The following RASGRP3 variants were observed in gnomAD, a reference collection of about 807,000 sequenced individuals.
The protein encoded by RASGRP3 is RAS guanyl releasing protein 3.
In RASGRP3, 54 loss-of-function variants were observed where a neutral mutation model predicts 82.7. The ratio of observed to expected loss-of-function variants is 0.65; its 90% CI spans 0.52 to 0.82. The LOEUF (loss-of-function observed/expected upper bound fraction) is 0.82. RASGRP3 is among the 40% of genes least tolerant of loss of function. The probability of loss-of-function intolerance (pLI) is 0.00; values close to 1 mark genes in which losing one functional copy is unlikely to be tolerated. For missense variants in RASGRP3, 861 were observed against 828.9 expected (o/e 1.04, Z -0.48); for synonymous variants, 309 against 300.5 (o/e 1.03, Z -0.29).
rs776842532 is a variant in RASGRP3 at position 33,546,422 on chromosome 2, C to CAA, written c.1394+2810_1394+2811dup. ...TGGACGACAGAGCAAGACTCCGTCT[C>CAA]AAAAAAAAAAAAAAAAGAAAGTCAA... On this transcript the variant is annotated intron_variant, in intron 13 of 17. Coordinates refer to ENST00000403687, the MANE Select transcript of RASGRP3 (RefSeq NM_001139488.2). Among the ~76,000 whole-genome samples the CAA allele has an allele frequency of 3.1e-3, 243 of 79,520 alleles. 1 individual carries two copies. The highest frequency in any genetic ancestry group is 9.8e-3 in the African/African-American group (226 of 22,962). 52.2% of individuals were successfully genotyped at this position (79,520 alleles called of 152,430 possible). A position where few individuals can be genotyped will look rare whatever the true frequency, so the allele number is the denominator to read the frequency against.
At chr2:33,468,101 A>C (rs902343019) in intron 2 of RASGRP3, among the ~76,000 whole-genome samples, 4 of 147,170 alleles carry the variant, frequency 2.7e-5, no homozygotes, top group African/African-American at 7.5e-5. Context: ...GAAGTACTTA[A>C]GTGTCTTTGT....
chr2:33,509,187 C>A (rs528107500), intron 1 of RASGRP3, among the ~76,000 whole-genome samples: 1 of 151,900 alleles, frequency 6.6e-6, no homozygotes, highest in Admixed American at 6.6e-5. Flanking sequence ...GATCACTTGA[C>A]GTCAGGAGTT....
chr2:33,532,834 T>C (rs1377358159), intron 10 of RASGRP3: 1 of 152,204 alleles, frequency 6.6e-6, no homozygotes, highest in African/African-American at 2.4e-5. Flanking sequence ...GAACAGTGAC[T>C]AGAACAATCC....
intron 1 of RASGRP3, among the ~76,000 whole-genome samples, chr2:33,492,242 T>C (rs1668913783): frequency 6.6e-6 from 1 of 152,218 alleles, no homozygotes; most frequent in Non-Finnish European, 1.5e-5. Context: ...TTTCCCTTTG[T>C]CTTCTTCAGA....
At chr2:33,510,424 C>T (rs1375705176) in intron 1 of RASGRP3, among the ~76,000 whole-genome samples, 4 of 152,216 alleles carry the variant, frequency 2.6e-5, no homozygotes, top group African/African-American at 4.8e-5. Flanking sequence ...ACATCTCTGA[C>T]AGTCATGACC....
intron 4 of RASGRP3, 95 bp downstream of exon 4, chr2:33,516,739 A>G: frequency 1.2e-6 from 1 of 844,336 alleles, no homozygotes; most frequent in Non-Finnish European, 1.9e-6. Flanking sequence ...TAAGATGAAT[A>G]AATAGTCTTT....
chr2:33,443,168 A>T (rs1558390122), intron 1 of RASGRP3, among the ~76,000 whole-genome samples: 1 of 152,202 alleles, frequency 6.6e-6, no homozygotes, highest in Non-Finnish European at 1.5e-5. Context: ...ATAAATAGCA[A>T]ATTCATGTTT....
intron 2 of RASGRP3, among the ~76,000 whole-genome samples, chr2:33,512,171 T>C (rs1049197778): frequency 2.0e-5 from 3 of 152,180 alleles, no homozygotes; most frequent in Non-Finnish European, 4.4e-5. Flanking sequence ...TGTAACCTGA[T>C]AGCCCGGCCC....
chr2:33,527,232 C>G lies in RASGRP3; in HGVS notation c.903C>G (p.Ile301Met). 1 of 1,614,054 alleles carries G rather than the reference C, an allele frequency of 6.2e-7. No homozygotes were observed. Among genetic ancestry groups the G allele is most frequent in the Non-Finnish European group, 8.5e-7 (1 of 1,179,884 alleles). The change falls in exon 10 of 18, where the codon ATC (isoleucine) becomes ATG (methionine). Residue 301 changes from isoleucine to methionine, a missense_variant. Coordinates refer to ENST00000403687, the MANE Select transcript of RASGRP3 (RefSeq NM_001139488.2). Reference protein sequence around the residue: ...FADCDGFKIPILGVHLKDLIA... With the variant: ...FADCDGFKIPMLGVHLKDLIA... ...ACTGCGATGGCTTCAAAATCCCCAT[C>G]CTTGGAGTACACTTGAAAGACTTGA...
intron 1 of RASGRP3, among the ~76,000 whole-genome samples, chr2:33,484,233 T>A (rs1011919578): frequency 6.6e-6 from 1 of 152,222 alleles, no homozygotes; most frequent in African/African-American, 2.4e-5. Flanking sequence ...AGAAGAAATG[T>A]CCTTTTCTGG....
intron 10 of RASGRP3, chr2:33,532,997 C>G (rs1435462515): frequency 6.6e-6 from 1 of 152,158 alleles, no homozygotes; most frequent in East Asian, 1.9e-4. Context: ...CTTCCTCCTT[C>G]TTTCTTTTCC....
At chr2:33,447,626 G>T (rs1243297807) in intron 1 of RASGRP3, among the ~76,000 whole-genome samples, 4 of 151,976 alleles carry the variant, frequency 2.6e-5, no homozygotes, top group Admixed American at 2.6e-4. Flanking sequence ...TAGAGACGAG[G>T]TTTCACCATA....
chr2:33,482,423 T>A (rs1304543524), intron 1 of RASGRP3: 1 of 152,322 alleles, frequency 6.6e-6, no homozygotes, highest in Admixed American at 6.5e-5. Context: ...AACGTTACCT[T>A]TTAGAGACAA....
intron 4 of RASGRP3, chr2:33,516,914 C>G (rs1470153787): frequency 3.5e-6 from 1 of 283,280 alleles, no homozygotes; most frequent in Non-Finnish European, 6.5e-6. Context: ...TCTAACTTGT[C>G]TTAAACATTT....
At chr2:33,471,902 T>A (rs1300378092), upstream of RASGRP3, among the ~76,000 whole-genome samples, 2 of 152,192 alleles carry the variant, frequency 1.3e-5, no homozygotes, top group African/African-American at 4.8e-5. Flanking sequence ...CAATGATTTT[T>A]TTTTTTAAGA....
intron 1 of RASGRP3, among the ~76,000 whole-genome samples, chr2:33,442,583 A>G (rs946617546): frequency 1.3e-5 from 2 of 152,226 alleles, no homozygotes; most frequent in African/African-American, 4.8e-5. Flanking sequence ...GTAAAGGGCT[A>G]TATCCTGTTT....
intron 1 of RASGRP3, among the ~76,000 whole-genome samples, chr2:33,509,762 C>G (rs115476967): frequency 0.017 from 2,592 of 152,264 alleles, 46 homozygotes; most frequent in Middle Eastern, 0.037. Flanking sequence ...ATCCATTTAT[C>G]CTTCACTTCC....
chr2:33,523,773 T>C (rs1558482585), intron 7 of RASGRP3, 106 bp from the exon 8 acceptor site: 4 of 1,119,842 alleles, frequency 3.6e-6, no homozygotes, highest in East Asian at 2.4e-5. Context: ...ATAAAAGAAA[T>C]TGTGTTGTTA....
intron 1 of RASGRP3, among the ~76,000 whole-genome samples, chr2:33,503,530 T>C (rs1283090650): frequency 6.6e-6 from 1 of 152,168 alleles, no homozygotes; most frequent in Non-Finnish European, 1.5e-5. Flanking sequence ...AGTGGAGCCT[T>C]CTAATTATGG....
Sources: allele counts gnomAD v4.1 joint callset (sites outside exome capture counted in the v4.1 genomes callset), GRCh38; gene constraint gnomAD v4.1.1; transcripts MANE v1.5; gene names NCBI Gene and HGNC (gene_info 2026-07-23, HGNC 2026-07-21).